The following LCORL variants were observed in gnomAD, a reference collection of about 807,000 sequenced individuals.
The protein encoded by LCORL is ligand-dependent nuclear receptor corepressor-like protein.
A neutral mutation model predicts 141.8 loss-of-function variants in LCORL; 41 were observed. The ratio of observed to expected loss-of-function variants is 0.29; its 90% CI spans 0.23 to 0.38. The LOEUF (loss-of-function observed/expected upper bound fraction) is 0.38. Ranked by LOEUF, LCORL falls within the 10% of genes least tolerant of loss-of-function variation. LCORL has a pLI of 1.00. For missense variants in LCORL, 1,759 were observed against 2,035.0 expected, an observed-to-expected ratio of 0.86 and a Z score of 2.61; for synonymous variants, 618 against 694.1, an observed-to-expected ratio of 0.89 and a Z score of 1.72.
chr4:17,960,960 G>A (rs908642463), intron 4 of LCORL, among the ~76,000 whole-genome samples: 2 of 151,970 alleles, frequency 1.3e-5, no homozygotes, highest in Non-Finnish European at 2.9e-5. Flanking sequence ...AAAGAACTTA[G>A]AACACTTAAG....
intron 4 of LCORL, among the ~76,000 whole-genome samples, chr4:17,956,051 A>G (rs921100383): frequency 2.0e-5 from 3 of 152,180 alleles, no homozygotes; most frequent in Non-Finnish European, 4.4e-5. Flanking sequence ...GGCATATGAA[A>G]AAAATGTTCA....
In LCORL at chr4:18,021,869, C is replaced by A. The variant is rs1371926107; in HGVS notation, c.-118G>T. On this transcript the variant is annotated 5_prime_UTR_variant, in exon 1 of 8. Transcript: ENST00000635767. The surrounding 1 kb of genome is among the most constrained non-coding windows in gnomAD (Gnocchi z 5.5). ...CCCCCCGGAGGGGGGTTGATTGACA[C>A]GTGTCACTACCTTCCCTCTGCCCTG... 21 of 1,154,880 alleles carry A rather than the reference C, an allele frequency of 1.8e-5. No homozygotes were observed. Among genetic ancestry groups the A allele is most frequent in the Non-Finnish European group, 2.3e-5 (20 of 864,922 alleles). The allele number at this position is 1,154,880 out of a possible 1,614,324, so 71.5% of individuals were successfully genotyped here. A position where few individuals can be genotyped will look rare whatever the true frequency, so the allele number is the denominator to read the frequency against.
chr4:17,865,088 A>G (rs1953651661), intron 7 of LCORL, among the ~76,000 whole-genome samples: 1 of 152,248 alleles, frequency 6.6e-6, no homozygotes, highest in Non-Finnish European at 1.5e-5. Flanking sequence ...CAAAAATAGA[A>G]CAAGTAGACT....
chr4:17,914,863 T>C (rs1733144053), intron 4 of LCORL, among the ~76,000 whole-genome samples: 1 of 152,226 alleles, frequency 6.6e-6, no homozygotes, highest in Non-Finnish European at 1.5e-5. Context: ...TGCTTCAAGA[T>C]GGTCCTCAAT....
chr4:17,862,157 G>C (rs1725087443), intron 7 of LCORL, among the ~76,000 whole-genome samples: 1 of 152,118 alleles, frequency 6.6e-6, no homozygotes, highest in Non-Finnish European at 1.5e-5. Flanking sequence ...TTTTCATGCT[G>C]CTGGTAAAGA....
chr4:17,845,597 G>C (rs1722834472), exon 8 of LCORL: 1 of 568,496 alleles, frequency 1.8e-6, no homozygotes. Context: ...AATGATTAAT[G>C]CTAATGATTT....
intron 7 of LCORL, among the ~76,000 whole-genome samples, chr4:17,852,630 A>G (rs2109105666): frequency 1.3e-5 from 2 of 152,278 alleles, no homozygotes; most frequent in Middle Eastern, 3.4e-3. Context: ...CAAGGGCAAG[A>G]GGAATCTGAA....
rs531367756 is a variant in LCORL at position 17,883,698 on chromosome 4, A to T, written c.776+2370T>A. ...AACACACACACACACACACACTCAC[A>T]AACATTTTCCTAACAAGTAATCTAC... is the stretch of plus-strand genomic sequence containing the variant. On this transcript the variant is annotated intron_variant, in intron 6 of 7. Transcript: ENST00000635767. 667 of 1,500,352 alleles carry T rather than the reference A, an allele frequency of 4.4e-4. 3 individuals are homozygous for T. The African/African-American group carries it at 8.3e-3, about 19-fold the overall frequency. 92.9% of individuals were successfully genotyped at this position (1,500,352 alleles called of 1,614,324 possible).
At chr4:17,862,840 A>C (rs1017970796) in intron 7 of LCORL, among the ~76,000 whole-genome samples, 8 of 150,714 alleles carry the variant, frequency 5.3e-5, no homozygotes, top group Non-Finnish European at 1.2e-4. Flanking sequence ...GAAGATGCCA[A>C]AAGCAATTGC....
exon 8 of LCORL, chr4:17,844,808 GT>G (rs1462440290): frequency 6.6e-6 from 1 of 152,298 alleles, no homozygotes; most frequent in Non-Finnish European, 1.5e-5. Flanking sequence ...TTCTCATGTG[GT>G]TTACCATACC....
At chr4:17,960,205 T>C (rs1352442137) in intron 4 of LCORL, 6 of 154,248 alleles carry the variant, frequency 3.9e-5, no homozygotes, top group Non-Finnish European at 7.3e-5. Context: ...CTGCAATCTT[T>C]CAAAAGATGT....
chr4:17,952,412 C>T (rs1056818750), intron 4 of LCORL, among the ~76,000 whole-genome samples: 2 of 146,674 alleles, frequency 1.4e-5, no homozygotes, highest in South Asian at 4.2e-4. Context: ...CCCTCAAAAA[C>T]AATTTTTTTT....
chr4:17,936,576 A>C (rs971636905), intron 4 of LCORL, among the ~76,000 whole-genome samples: 8 of 152,316 alleles, frequency 5.3e-5, no homozygotes, highest in Middle Eastern at 3.4e-3. Flanking sequence ...AGTTTGAAGA[A>C]AAAGTTCAGA....
exon 7 of LCORL, chr4:17,874,764 G>T: frequency 8.1e-7 from 1 of 1,233,872 alleles, no homozygotes; most frequent in Non-Finnish European, 1.0e-6. Context: ...GGATACTTCA[G>T]AAATAGGTAC....
Position 17,848,111 on chromosome 4 carries a change from A to G in LCORL, c.5603-2210T>C, listed in dbSNP as rs190202529. ...ACTTTTCTAGAATGGTATAGTATAA[A>G]TTTGGGTACACAGATCCCACAGGTG... On this transcript the variant is annotated intron_variant, in intron 7 of 7. Transcript: ENST00000635767. 6.5e-3 allele frequency among the ~76,000 whole-genome samples: 989 copies of G among 152,328 alleles called. 15 individuals carry two copies. The highest frequency in any genetic ancestry group is 0.023 in the African/African-American group (951 of 41,564).
chr4:17,921,292 T>C (rs934496767), intron 4 of LCORL, among the ~76,000 whole-genome samples: 2 of 152,262 alleles, frequency 1.3e-5, no homozygotes, highest in South Asian at 4.2e-4. Flanking sequence ...CCTCCCAAAG[T>C]GCTGAGATTA....
chr4:17,935,114 A>G (rs1736640516), intron 4 of LCORL, among the ~76,000 whole-genome samples: 1 of 152,170 alleles, frequency 6.6e-6, no homozygotes, highest in Admixed American at 6.5e-5. Flanking sequence ...TCTCAGTATT[A>G]TATAGGGCCG....
intron 4 of LCORL, among the ~76,000 whole-genome samples, chr4:17,936,360 G>GAAAAAAAAAAAA (rs10646952): frequency 2.1e-5 from 2 of 96,454 alleles, no homozygotes; most frequent in African/African-American, 6.8e-5. Context: ...GTCTCATAAT[G>GAAAAAAAAAAAA]AAAAAAAAAA....
At chr4:17,941,067 C>T (rs1355676320) in intron 4 of LCORL, among the ~76,000 whole-genome samples, 1 of 152,028 alleles carries the variant, frequency 6.6e-6, no homozygotes, top group Non-Finnish European at 1.5e-5. Flanking sequence ...AAAAAGAAAA[C>T]AAATGTTTAA....
Sources: gnomAD v4.1 joint callset for allele counts (sites outside exome capture counted in the v4.1 genomes callset) on GRCh38, gnomAD v4.1.1 for gene constraint, Gnocchi (gnomAD v3.1) non-coding constraint, MANE v1.5 for transcripts, NCBI Gene and HGNC (gene_info 2026-07-23, HGNC 2026-07-21) for gene names.